USP32: variants seen among roughly 807,000 people sequenced by gnomAD.
USP32 encodes the protein ubiquitin carboxyl-terminal hydrolase 32.
A neutral mutation model predicts 204.8 loss-of-function variants in USP32; 59 were observed. The ratio of observed to expected loss-of-function variants is 0.29; its 90% confidence interval spans 0.23 to 0.36. The LOEUF is 0.36. Ranked by LOEUF, USP32 falls within the 10% of genes least tolerant of loss-of-function variation. USP32 has a pLI of 1.00. For missense variants in USP32, 1,160 were observed against 1,946.4 expected (o/e 0.60, Z 7.60); for synonymous variants, 517 against 678.4 (o/e 0.76, Z 3.70).
chr17:60,317,110 C>A (rs2087999357), intron 2 of USP32, among the ~76,000 whole-genome samples: 1 of 151,900 alleles, frequency 6.6e-6, no homozygotes, highest in Admixed American at 6.6e-5. Context: ...AATTATTTTT[C>A]CATGTAAATT....
Position 60,392,122 on chromosome 17 carries a change from T to A in USP32, c.-183A>T, listed in dbSNP as rs1307142086. 16 of 567,474 alleles carry A rather than the reference T, an allele frequency of 2.8e-5. No homozygotes were observed. In the South Asian group the frequency reaches 3.0e-4, roughly 11 times the overall value. 35.2% of individuals were successfully genotyped at this position (567,474 alleles called of 1,614,324 possible). A position where few individuals can be genotyped will look rare whatever the true frequency, so the allele number is the denominator to read the frequency against. ...CTCCCGGTCGCCGCCACCGCCTCCATGCCGGATCACGTGACTCTTCCGCCC... is the reference window on the plus strand; with the variant it reads ...CTCCCGGTCGCCGCCACCGCCTCCAAGCCGGATCACGTGACTCTTCCGCCC... On this transcript the variant is annotated 5_prime_UTR_variant, in exon 1 of 34. It removes an upstream start codon present in the reference 5' UTR. Coordinates refer to ENST00000300896, the MANE Select transcript of USP32 (RefSeq NM_032582.4).
At chr17:60,359,278 G>T (rs1458902379) in intron 1 of USP32, among the ~76,000 whole-genome samples, 1 of 152,044 alleles carries the variant, frequency 6.6e-6, no homozygotes, top group Non-Finnish European at 1.5e-5. Context: ...AGCTTATATT[G>T]TATGTTTATT....
intron 26 of USP32, among the ~76,000 whole-genome samples, chr17:60,202,834 T>C (rs1401931660): frequency 1.4e-5 from 2 of 146,558 alleles, no homozygotes; most frequent in African/African-American, 2.7e-5. Context: ...AAAGGATGTT[T>C]GTAGATGTAA....
intron 33 of USP32, among the ~76,000 whole-genome samples, chr17:60,180,054 C>T (rs896859407): frequency 2.0e-5 from 3 of 150,966 alleles, no homozygotes; most frequent in African/African-American, 7.3e-5. Context: ...GAGACAGAGT[C>T]TTGCTCTGTT....
At chr17:60,323,337 G>C (rs1269763452) in intron 2 of USP32, among the ~76,000 whole-genome samples, 1 of 152,118 alleles carries the variant, frequency 6.6e-6, no homozygotes, top group Non-Finnish European at 1.5e-5. Context: ...ACTGATACAT[G>C]TTTTCAAGAT....
In USP32 at chr17:60,299,414, C is replaced by T. The variant is rs576898110; in HGVS notation, c.292+2185G>A. ...TTCTTGCTCTTCCATCATCCCATAG[C>T]GGAAAGCAGAAGAGCAAGAGAACAC... On this transcript the variant is annotated intron_variant, in intron 3 of 33. Transcript: ENST00000300896. Among the ~76,000 whole-genome samples, 5 of 152,226 alleles carry T rather than the reference C, an allele frequency of 3.3e-5. No homozygotes were observed. The South Asian group carries it at 6.2e-4, about 19-fold the overall frequency.
intron 28 of USP32, among the ~76,000 whole-genome samples, chr17:60,191,053 T>C (rs924971942): frequency 1.3e-5 from 2 of 152,274 alleles, no homozygotes; most frequent in Admixed American, 6.5e-5. Flanking sequence ...ACAATTTATC[T>C]GGTGTAACAC....
At chr17:60,261,475 G>A (rs370645063) in intron 9 of USP32, among the ~76,000 whole-genome samples, 6 of 151,756 alleles carry the variant, frequency 4.0e-5, no homozygotes, top group South Asian at 4.2e-4. Context: ...GGCAAAACCC[G>A]TCTCTACTAA....
intron 1 of USP32, among the ~76,000 whole-genome samples, chr17:60,413,341 A>G (rs1361677367): frequency 6.6e-6 from 1 of 152,172 alleles, no homozygotes; most frequent in South Asian, 2.1e-4. Context: ...CAGGGTGCCA[A>G]ACAAGGAGAG....
rs569871332 is a variant in USP32 at position 60,300,200 on chromosome 17, G to T, written c.292+1399C>A. On this transcript the variant is annotated intron_variant, in intron 3 of 33. Coordinates refer to ENST00000300896, the MANE Select transcript of USP32 (RefSeq NM_032582.4). Reference sequence around the variant, plus strand: ...TGTTACATTCTGTGTAATATAAACAGCTGCCATACTTCCCCTGGGAAATCT... The same window carrying T: ...TGTTACATTCTGTGTAATATAAACATCTGCCATACTTCCCCTGGGAAATCT... 2.0e-5 allele frequency among the ~76,000 whole-genome samples: 3 copies of T among 152,294 alleles called. No individual in the cohort carries two copies. The South Asian group carries it at 6.2e-4, about 32-fold the overall frequency.
chr17:60,249,421 C>T (rs1393716671), intron 11 of USP32: 2 of 319,806 alleles, frequency 6.3e-6, no homozygotes, highest in Non-Finnish European at 1.1e-5. Flanking sequence ...CTATGGTGAT[C>T]CTGTTCCCTG....
At chr17:60,393,651 C>A (rs1056643427), upstream of USP32, among the ~76,000 whole-genome samples, 3 of 151,918 alleles carry the variant, frequency 2.0e-5, no homozygotes, top group African/African-American at 7.3e-5. Context: ...TTCTAATATA[C>A]CCTGCTAGAG....
chr17:60,361,200 C>G (rs1598285281), intron 1 of USP32, among the ~76,000 whole-genome samples: 1 of 152,132 alleles, frequency 6.6e-6, no homozygotes, highest in South Asian at 2.1e-4. Context: ...TAAAATCCTA[C>G]TTACTTCCTC....
At chr17:60,358,673 A>G (rs1269244812) in intron 1 of USP32, among the ~76,000 whole-genome samples, 2 of 152,234 alleles carry the variant, frequency 1.3e-5, no homozygotes, top group South Asian at 4.1e-4. Flanking sequence ...AGTTTTTAAC[A>G]TCTAAAAATG....
chr17:60,266,762 TCTC>T (rs796828547), intron 7 of USP32, among the ~76,000 whole-genome samples: 1 of 151,876 alleles, frequency 6.6e-6, no homozygotes, highest in South Asian at 2.1e-4. Context: ...TTCAAGCAAT[TCTC>T]CTGTCTCAGC....
chr17:60,241,452 T>TA (rs1194957498), intron 11 of USP32, among the ~76,000 whole-genome samples: 1 of 152,158 alleles, frequency 6.6e-6, no homozygotes, highest in African/African-American at 2.4e-5. Context: ...TATAATTTTT[T>TA]AAATCAACAT....
At chr17:60,404,088 G>A (rs559680566) in intron 1 of USP32, among the ~76,000 whole-genome samples, 6 of 151,542 alleles carry the variant, frequency 4.0e-5, no homozygotes, top group Non-Finnish European at 7.4e-5. Flanking sequence ...AGAAATATGC[G>A]CACACACACA....
intron 2 of USP32, among the ~76,000 whole-genome samples, chr17:60,345,123 G>T (rs894346453): frequency 3.9e-5 from 6 of 152,030 alleles, no homozygotes; most frequent in Non-Finnish European, 7.4e-5. Context: ...TTACTATACA[G>T]AAAATTTTCT....
At chr17:60,334,431 C>T (rs2088465216) in intron 2 of USP32, among the ~76,000 whole-genome samples, 1 of 152,080 alleles carries the variant, frequency 6.6e-6, no homozygotes, top group African/African-American at 2.4e-5. Context: ...AGCCATGCGG[C>T]TCATCTGTGG....
Sources: gnomAD v4.1 joint callset for allele counts (sites outside exome capture counted in the v4.1 genomes callset) on GRCh38, gnomAD v4.1.1 for gene constraint, MANE v1.5 for transcripts, NCBI Gene and HGNC (gene_info 2026-07-23, HGNC 2026-07-21) for gene names.